Variants in TRPS1 observed in about 807,000 individuals in gnomAD.
TRPS1 encodes zinc finger transcription factor Trps1.
Under a neutral mutation model 101.2 loss-of-function variants are expected in TRPS1, and 6 were observed. The ratio of observed to expected loss-of-function variants is 0.06; its 90% confidence interval spans 0.03 to 0.12. The LOEUF is 0.12. TRPS1 is among the 10% of genes least tolerant of loss of function. The pLI is 1.00. For missense variants in TRPS1, 1,363 were observed against 1,567.0 expected, an observed-to-expected ratio of 0.87 and a Z score of 2.20; for synonymous variants, 578 against 589.8, an observed-to-expected ratio of 0.98 and a Z score of 0.29.
At chr8:115,578,338 G>A (rs911614708) in intron 5 of TRPS1, among the ~76,000 whole-genome samples, 6 of 151,998 alleles carry the variant, frequency 3.9e-5, no homozygotes, top group Admixed American at 6.6e-5. Flanking sequence ...CAGTGACTTG[G>A]ACGTTAAATA....
chr8:115,511,545 C>T (rs1255863485), intron 5 of TRPS1, among the ~76,000 whole-genome samples: 2 of 151,824 alleles, frequency 1.3e-5, no homozygotes, highest in Non-Finnish European at 1.5e-5. Flanking sequence ...GTATAACAAG[C>T]TATCAATTTT....
chr8:115,605,084 C>T lies in TRPS1; in HGVS notation c.967-82G>A, dbSNP rs116000086. 4,533 of 1,284,914 alleles carry T rather than the reference C, an allele frequency of 3.5e-3. 106 individuals are homozygous for T. The African/African-American group carries it at 0.058, about 16-fold the overall frequency. 79.6% of individuals were successfully genotyped at this position (1,284,914 alleles called of 1,614,324 possible). A position where few individuals can be genotyped will look rare whatever the true frequency, so the allele number is the denominator to read the frequency against. On this transcript the variant is annotated intron_variant, in intron 3 of 6. Transcript: ENST00000395715. ...TCTGCAGGGGAGGGGGAGGGTACTG[C>T]CAAGTATTCCACATCAAAAAATACA... is the stretch of plus-strand genomic sequence containing the variant.
At chr8:115,606,252 T>C (rs1818035842) in intron 3 of TRPS1, among the ~76,000 whole-genome samples, 1 of 152,206 alleles carries the variant, frequency 6.6e-6, no homozygotes, top group Non-Finnish European at 1.5e-5. Context: ...ACCTCTATTG[T>C]ACAGGACTAA....
chr8:115,458,050 G>A (rs913900385), intron 5 of TRPS1, among the ~76,000 whole-genome samples: 6 of 142,488 alleles, frequency 4.2e-5, no homozygotes, highest in Non-Finnish European at 6.2e-5. Context: ...AGGGAGGGGG[G>A]TCGAATTCAA....
chr8:115,421,465 G>A (rs1214649168), intron 5 of TRPS1, among the ~76,000 whole-genome samples: 1 of 152,166 alleles, frequency 6.6e-6, no homozygotes, highest in Non-Finnish European at 1.5e-5. Context: ...TAAAGCATAT[G>A]GTTGGATATT....
chr8:115,560,910 A>G (rs987529480), intron 5 of TRPS1, among the ~76,000 whole-genome samples: 1 of 152,296 alleles, frequency 6.6e-6, no homozygotes. Flanking sequence ...GGTAAACAAT[A>G]AAAGTCTAAC....
chr8:115,435,258 T>C (rs1025095578), intron 5 of TRPS1, among the ~76,000 whole-genome samples: 10 of 152,242 alleles, frequency 6.6e-5, no homozygotes, highest in African/African-American at 2.4e-4. Flanking sequence ...TGGATGTCAA[T>C]CGCATTTCTG....
intron 5 of TRPS1, among the ~76,000 whole-genome samples, chr8:115,498,159 T>C (rs1815196657): frequency 6.6e-6 from 1 of 151,924 alleles, no homozygotes; most frequent in Non-Finnish European, 1.5e-5. Context: ...GGTGGATCAC[T>C]TGAGCCCAGG....
intron 5 of TRPS1, among the ~76,000 whole-genome samples, chr8:115,498,409 CTCTCTCTATATA>C (rs1300457567): frequency 1.5e-3 from 125 of 80,898 alleles, no homozygotes; most frequent in African/African-American, 3.0e-3. Flanking sequence ...CTCTCTCTCT[CTCTCTCTATATA>C]TATATATATA....
intron 5 of TRPS1, among the ~76,000 whole-genome samples, chr8:115,486,142 T>C (rs1476179531): frequency 6.6e-6 from 1 of 152,214 alleles, no homozygotes; most frequent in Non-Finnish European, 1.5e-5. Flanking sequence ...GTGTCACATT[T>C]TGGTAATTCT....
At chr8:115,432,202 C>T (rs1190169006) in intron 5 of TRPS1, among the ~76,000 whole-genome samples, 1 of 64,494 alleles carries the variant, frequency 1.6e-5, no homozygotes, top group Non-Finnish European at 3.0e-5. Context: ...ATGGCAGAAT[C>T]AGTAAATCAA....
At chr8:115,458,863 C>T (rs1169164284) in intron 5 of TRPS1, among the ~76,000 whole-genome samples, 1 of 152,136 alleles carries the variant, frequency 6.6e-6, no homozygotes, top group African/African-American at 2.4e-5. Context: ...AATTAGCTTT[C>T]ATTTATTTGC....
At chr8:115,458,751 A>G (rs1208160744) in intron 5 of TRPS1, among the ~76,000 whole-genome samples, 2 of 152,230 alleles carry the variant, frequency 1.3e-5, no homozygotes, top group African/African-American at 4.8e-5. Context: ...TATTCCATGA[A>G]TAAACCACTG....
chr8:115,596,408 C>T (rs922499774), intron 4 of TRPS1, among the ~76,000 whole-genome samples: 28 of 151,822 alleles, frequency 1.8e-4, no homozygotes, highest in Admixed American at 6.6e-5. Flanking sequence ...TAAAGCTGTA[C>T]ACTGTATGTT....
chr8:115,639,978 CAGT>C (rs1818858535), intron 1 of TRPS1, among the ~76,000 whole-genome samples: 1 of 152,174 alleles, frequency 6.6e-6, no homozygotes, highest in Admixed American at 6.5e-5. Context: ...AGTCAATACT[CAGT>C]AGTAGTTACA....
At chr8:115,649,225 G>T (rs1455844550) in intron 1 of TRPS1, among the ~76,000 whole-genome samples, 1 of 152,114 alleles carries the variant, frequency 6.6e-6, no homozygotes, top group East Asian at 1.9e-4. Context: ...AATGAATTAG[G>T]GCCTAAGGAG....
At chr8:115,644,460 C>G (rs181525985) in intron 1 of TRPS1, among the ~76,000 whole-genome samples, 1 of 152,122 alleles carries the variant, frequency 6.6e-6, no homozygotes, top group Non-Finnish European at 1.5e-5. Context: ...CAGCTTTCAC[C>G]GAATCAAACA....
At chr8:115,442,550 C>CGTGCGTGTGTGT (rs34273681) in intron 5 of TRPS1, among the ~76,000 whole-genome samples, 1 of 145,014 alleles carries the variant, frequency 6.9e-6, no homozygotes, top group African/African-American at 2.5e-5. Context: ...AAGTATGGTG[C>CGTGCGTGTGTGT]GTGTGTGTGT....
chr8:115,590,813 G>C (rs962415884), intron 4 of TRPS1, among the ~76,000 whole-genome samples: 3 of 152,126 alleles, frequency 2.0e-5, no homozygotes, highest in Non-Finnish European at 2.9e-5. Flanking sequence ...AAATAAATGA[G>C]AGTTAATCAG....
Sources: gnomAD v4.1 joint callset for allele counts (sites outside exome capture counted in the v4.1 genomes callset) on GRCh38, gnomAD v4.1.1 for gene constraint, MANE v1.5 for transcripts, NCBI Gene and HGNC (gene_info 2026-07-23, HGNC 2026-07-21) for gene names.